The following SRPK1 variants were observed in gnomAD, a reference collection of about 807,000 sequenced individuals.
SRPK1 encodes SFRS protein kinase 1.
SRPK1 carries 52 observed loss-of-function variants against 89.5 expected under a neutral mutation model. The ratio of observed to expected loss-of-function variants is 0.58; its 90% confidence interval spans 0.46 to 0.73. SRPK1 has a LOEUF of 0.73. SRPK1 is among the 30% of genes least tolerant of loss of function. The pLI is 0.00. For missense variants in SRPK1, 603 were observed against 780.6 expected (o/e 0.77, Z 2.71); for synonymous variants, 255 against 270.2 (o/e 0.94, Z 0.55).
rs147786404 is a variant in SRPK1 at position 35,870,785 on chromosome 6, G to A, written c.777+149C>T. On this transcript the variant is annotated intron_variant, in intron 9 of 15. Coordinates refer to ENST00000373825, the MANE Select transcript of SRPK1 (RefSeq NM_003137.5). ...CAGTACAAATGTGATGAAGGTGCAT[G>A]GGAATTTACTGGAGAAAATTATAGA... The A allele has an allele frequency of 2.2e-3, 1,631 of 736,542 alleles. 4 individuals are homozygous for A. The highest frequency in any genetic ancestry group is 2.3e-3 in the Non-Finnish European group (1,069 of 460,162). 45.6% of individuals were successfully genotyped at this position (736,542 alleles called of 1,614,324 possible).
At chr6:35,862,634 C>A (rs898158455) in intron 12 of SRPK1, among the ~76,000 whole-genome samples, 1 of 152,018 alleles carries the variant, frequency 6.6e-6, no homozygotes, top group Non-Finnish European at 1.5e-5. Flanking sequence ...TATGACAGCA[C>A]CAAAGGACCA....
chr6:35,849,993 G>A (rs184673740), intron 13 of SRPK1, among the ~76,000 whole-genome samples: 18 of 152,238 alleles, frequency 1.2e-4, no homozygotes, highest in Non-Finnish European at 2.1e-4. Flanking sequence ...TCACTTATAT[G>A]TGAAATCTAA....
At chr6:35,916,530 T>A (rs1052769880) in intron 2 of SRPK1, among the ~76,000 whole-genome samples, 22 of 150,796 alleles carry the variant, frequency 1.5e-4, no homozygotes, top group African/African-American at 5.4e-4. Context: ...CTCTTGTAAA[T>A]TTTTTTTTTA....
At chr6:35,839,936 C>T (rs894000653) in intron 14 of SRPK1, among the ~76,000 whole-genome samples, 2 of 152,028 alleles carry the variant, frequency 1.3e-5, no homozygotes, top group African/African-American at 4.8e-5. Flanking sequence ...CCTTGGCCTC[C>T]CAAAATGCTG....
chr6:35,897,019 A>C (rs1770639571), intron 2 of SRPK1, among the ~76,000 whole-genome samples: 1 of 152,210 alleles, frequency 6.6e-6, no homozygotes, highest in Non-Finnish European at 1.5e-5. Context: ...AAATCCATTG[A>C]GACAGAAAGT....
chr6:35,908,671 T>C (rs1459880460), intron 2 of SRPK1, among the ~76,000 whole-genome samples: 1 of 152,132 alleles, frequency 6.6e-6, no homozygotes, highest in African/African-American at 2.4e-5. Flanking sequence ...GACAATGGGA[T>C]AGAAAAGAAA....
At chr6:35,885,260 A>AACACACACACACACACAC (rs71540130) in intron 6 of SRPK1, among the ~76,000 whole-genome samples, 3 of 111,818 alleles carry the variant, frequency 2.7e-5, no homozygotes, top group Admixed American at 9.0e-5. Flanking sequence ...TAATTCTTTG[A>AACACACACACACACACAC]ACACACACAC....
chr6:35,859,652 T>C (rs1367718843), intron 12 of SRPK1, among the ~76,000 whole-genome samples: 1 of 152,218 alleles, frequency 6.6e-6, no homozygotes, highest in Non-Finnish European at 1.5e-5. Flanking sequence ...GTTGACTGTA[T>C]GTTTAATAAT....
chr6:35,836,946 G>A (rs1279678073), intron 15 of SRPK1, among the ~76,000 whole-genome samples: 4 of 152,026 alleles, frequency 2.6e-5, no homozygotes, highest in Non-Finnish European at 1.5e-5. Context: ...GTTTAAGAAA[G>A]GGTAATGTTT....
intron 13 of SRPK1, among the ~76,000 whole-genome samples, chr6:35,855,892 G>A (rs1033129199): frequency 6.6e-6 from 1 of 152,170 alleles, no homozygotes; most frequent in Admixed American, 6.5e-5. Flanking sequence ...GCACCACCAC[G>A]TCTGGCTAAT....
At chr6:35,899,153 C>G (rs1770688191) in intron 2 of SRPK1, among the ~76,000 whole-genome samples, 1 of 152,158 alleles carries the variant, frequency 6.6e-6, no homozygotes, top group African/African-American at 2.4e-5. Context: ...GAGCGAGACT[C>G]CATCTCACAA....
chr6:35,911,431 T>C (rs113779341), intron 2 of SRPK1, among the ~76,000 whole-genome samples: 50 of 152,018 alleles, frequency 3.3e-4, no homozygotes, highest in African/African-American at 1.1e-3. Flanking sequence ...AAGTGGTTAC[T>C]TGGCCGGGCG....
intron 2 of SRPK1, among the ~76,000 whole-genome samples, chr6:35,894,863 G>A (rs1361361508): frequency 1.3e-5 from 2 of 151,934 alleles, no homozygotes; most frequent in Non-Finnish European, 2.9e-5. Context: ...TTAAAGTCAA[G>A]AAAACAAAGC....
chr6:35,889,874 G>A (rs1422933528), intron 3 of SRPK1, among the ~76,000 whole-genome samples: 2 of 150,572 alleles, frequency 1.3e-5, no homozygotes, highest in South Asian at 4.2e-4. Flanking sequence ...TGAGGCAGAC[G>A]GATCACAAGG....
chr6:35,851,363 A>C (rs1054610294), intron 13 of SRPK1, among the ~76,000 whole-genome samples: 1 of 151,922 alleles, frequency 6.6e-6, no homozygotes, highest in Non-Finnish European at 1.5e-5. Flanking sequence ...TGGTAGAGAC[A>C]GGGTTTCACC....
chr6:35,897,498 A>C (rs554668169), intron 2 of SRPK1, among the ~76,000 whole-genome samples: 1 of 152,302 alleles, frequency 6.6e-6, no homozygotes, highest in South Asian at 2.1e-4. Flanking sequence ...ACTATGTAGC[A>C]GTTATTTAAT....
chr6:35,865,814 A>G (rs1769884750), intron 12 of SRPK1, among the ~76,000 whole-genome samples: 1 of 152,178 alleles, frequency 6.6e-6, no homozygotes. Flanking sequence ...AGACATGAAT[A>G]TAAGACCTGA....
In SRPK1 at chr6:35,915,971, CAAAAACAA is replaced by C; in HGVS notation, c.74+4489_74+4496del. 3.9e-5 allele frequency among the ~76,000 whole-genome samples: 2 copies of C among 51,738 alleles called. 1 individual carries two copies. The highest frequency in any genetic ancestry group is 6.6e-5 in the Non-Finnish European group (2 of 30,398). The allele number at this position is 51,738 out of a possible 152,430, so 33.9% of individuals were successfully genotyped here. A position where few individuals can be genotyped will look rare whatever the true frequency, so the allele number is the denominator to read the frequency against. On this transcript the variant is annotated intron_variant, in intron 2 of 15. Transcript: ENST00000373825. Reference sequence around the variant, plus strand: ...TGGGCGACAGAACGAGACTCTGTCTCAAAAACAAAAAAAAAAAAAAATATATACACACA... The same window carrying C: ...TGGGCGACAGAACGAGACTCTGTCTCAAAAAAAAAAAAATATATACACACA...
intron 6 of SRPK1, 33 bp downstream of exon 6, chr6:35,886,691 G>T: frequency 7.6e-7 from 1 of 1,314,908 alleles, no homozygotes; most frequent in Non-Finnish European, 1.1e-6. Flanking sequence ...GGATTGGGAT[G>T]ATTTATTCTC....
Sources: gnomAD v4.1 joint callset for allele counts (sites outside exome capture counted in the v4.1 genomes callset) on GRCh38, gnomAD v4.1.1 for gene constraint, MANE v1.5 for transcripts, NCBI Gene and HGNC (gene_info 2026-07-23, HGNC 2026-07-21) for gene names.